Variants in FERMT2 observed in about 807,000 individuals in gnomAD.
The protein encoded by FERMT2 is FERM domain containing kindlin 2.
In FERMT2, 15 loss-of-function variants were observed where a neutral mutation model predicts 82.7. The ratio of observed to expected loss-of-function variants is 0.18; its 90% CI spans 0.12 to 0.28. FERMT2 has a LOEUF of 0.28. Among genes scored for constraint, FERMT2 ranks in the 10% least tolerant of loss-of-function variants. The pLI, the probability that FERMT2 is intolerant of heterozygous loss-of-function variation, is 1.00. For missense variants in FERMT2, 645 were observed against 809.4 expected (o/e 0.80, Z 2.46); for synonymous variants, 274 against 271.5 (o/e 1.01, Z -0.09).
intron 2 of FERMT2, among the ~76,000 whole-genome samples, chr14:52,934,818 C>G (rs1889760903): frequency 6.6e-6 from 1 of 152,222 alleles, no homozygotes; most frequent in African/African-American, 2.4e-5. Flanking sequence ...TGTTGGTCAA[C>G]TCTTTCAATT....
chr14:52,919,694 T>C (rs1281994508), intron 2 of FERMT2, among the ~76,000 whole-genome samples: 1 of 151,380 alleles, frequency 6.6e-6, no homozygotes, highest in Non-Finnish European at 1.5e-5. Flanking sequence ...AGACAAGGAG[T>C]TGGTGGGCTT....
chr14:52,889,492 T>C (rs990978111), intron 4 of FERMT2, among the ~76,000 whole-genome samples: 3 of 152,174 alleles, frequency 2.0e-5, no homozygotes, highest in African/African-American at 7.2e-5. Context: ...GATGCTCTGC[T>C]TGGGCACAAG....
chr14:52,902,868 C>CAAAAAAAAAAAAAAA (rs1252336097), intron 3 of FERMT2, among the ~76,000 whole-genome samples: 2 of 5,542 alleles, frequency 3.6e-4, no homozygotes, highest in African/African-American at 5.8e-4. Flanking sequence ...GACTCCGTCT[C>CAAAAAAAAAAAAAAA]AAAAAAAAAA....
At chr14:52,945,243 GT>G (rs112038349) in intron 2 of FERMT2, among the ~76,000 whole-genome samples, 3 of 145,368 alleles carry the variant, frequency 2.1e-5, no homozygotes, top group African/African-American at 2.6e-5. Context: ...TTTTGTTGTT[GT>G]TTTTTTTTTG....
chr14:52,898,883 C>T (rs1437426085), intron 3 of FERMT2, among the ~76,000 whole-genome samples: 1 of 152,174 alleles, frequency 6.6e-6, no homozygotes, highest in Non-Finnish European at 1.5e-5. Context: ...TCACCACAGG[C>T]ACTATTTAGT....
At chr14:52,945,163 G>A (rs558016531) in intron 2 of FERMT2, among the ~76,000 whole-genome samples, 4 of 151,820 alleles carry the variant, frequency 2.6e-5, no homozygotes, top group African/African-American at 7.3e-5. Context: ...TCTGAGCCTC[G>A]GCCTCCCAAA....
chr14:52,908,509 G>A (rs901469513), intron 3 of FERMT2, among the ~76,000 whole-genome samples: 5 of 152,164 alleles, frequency 3.3e-5, no homozygotes, highest in Non-Finnish European at 7.4e-5. Flanking sequence ...ACACAACATG[G>A]ATGAAGGTCA....
chr14:52,887,018 GA>G (rs963467543), intron 4 of FERMT2, among the ~76,000 whole-genome samples: 28 of 151,374 alleles, frequency 1.8e-4, no homozygotes, highest in African/African-American at 5.3e-4. Context: ...ACTTTTGTTA[GA>G]AAAAAAATGA....
intron 3 of FERMT2, among the ~76,000 whole-genome samples, chr14:52,910,729 T>C (rs1391306249): frequency 6.6e-6 from 1 of 152,204 alleles, no homozygotes; most frequent in Admixed American, 6.5e-5. Flanking sequence ...GTAGGTTATT[T>C]CCCTTTAAAT....
chr14:52,865,177 C>A (rs984037787), intron 10 of FERMT2, among the ~76,000 whole-genome samples: 2 of 152,026 alleles, frequency 1.3e-5, no homozygotes, highest in Non-Finnish European at 2.9e-5. Flanking sequence ...AAAAATTAGC[C>A]GGGGGTGGTG....
intron 7 of FERMT2, among the ~76,000 whole-genome samples, chr14:52,877,253 T>G (rs1886014354): frequency 6.6e-6 from 1 of 152,200 alleles, no homozygotes; most frequent in African/African-American, 2.4e-5. Flanking sequence ...TCACACATAT[T>G]TTACAGGTAT....
At chr14:52,908,400 A>T (rs960403332) in intron 3 of FERMT2, among the ~76,000 whole-genome samples, 19 of 152,284 alleles carry the variant, frequency 1.2e-4, no homozygotes, top group African/African-American at 3.8e-4. Context: ...GCTTTTTTTT[A>T]AAATAATGAG....
intron 4 of FERMT2, among the ~76,000 whole-genome samples, chr14:52,882,228 T>G (rs1886341193): frequency 6.6e-6 from 1 of 152,178 alleles, no homozygotes; most frequent in Non-Finnish European, 1.5e-5. Context: ...AAAGTTTTTT[T>G]TAATTTTTAA....
chr14:52,926,153 T>C (rs886993624), intron 2 of FERMT2, among the ~76,000 whole-genome samples: 2 of 11,516 alleles, frequency 1.7e-4, no homozygotes, highest in Non-Finnish European at 4.1e-4. Context: ...GACTTTAAAA[T>C]ACTTACGAAT....
In FERMT2 at chr14:52,894,965, G is replaced by C. The variant is rs1238251141; in HGVS notation, c.392-1538C>G. 6.0e-5 allele frequency among the ~76,000 whole-genome samples: 9 copies of C among 150,792 alleles called. 1 individual carries two copies. Among genetic ancestry groups the C allele is most frequent in the Admixed American group, 3.3e-4 (5 of 15,122 alleles). ...AAACAAAAAAGGCAAGCATACAGTG[G>C]GACAACATATTTGCAGCACACATAT... On this transcript the variant is annotated intron_variant, in intron 3 of 14. Transcript: ENST00000341590.
Position 52,881,810 on chromosome 14 carries a change from A to G in FERMT2, c.527-341T>C, listed in dbSNP as rs190353996. The G allele has an allele frequency of 3.1e-6, 4 of 1,301,990 alleles. No individual in the cohort carries two copies. The African/African-American group carries it at 6.0e-5, about 20-fold the overall frequency. The allele number at this position is 1,301,990 out of a possible 1,614,324, so 80.7% of individuals were successfully genotyped here. ...GCAAGGCTCACCTTTCAGAGGGCCA[A>G]TGTAAAGAACATCAGTGCCTATAGG... is the stretch of plus-strand genomic sequence containing the variant. On this transcript the variant is annotated intron_variant, in intron 4 of 14. Transcript: ENST00000341590.
chr14:52,891,971 A>C (rs1283041921), intron 4 of FERMT2, among the ~76,000 whole-genome samples: 1 of 152,104 alleles, frequency 6.6e-6, no homozygotes, highest in Non-Finnish European at 1.5e-5. Flanking sequence ...TCACATTAGC[A>C]AGGAAGAACA....
intron 3 of FERMT2, among the ~76,000 whole-genome samples, chr14:52,906,849 T>TA (rs917249411): frequency 7.3e-5 from 10 of 136,436 alleles, no homozygotes; most frequent in South Asian, 2.3e-4. Flanking sequence ...AAGGTAAAGA[T>TA]AAAATCTTCC....
rs776878631 is a variant in FERMT2 at position 52,874,190 on chromosome 14, T to A, written c.1135A>T (p.Ile379Phe). Reference sequence around the variant, plus strand: ...TTTTGTACTTACTTGAAAACTTTAATGTAGTCAGCAAGTTCAGGAATGGAA... The same window carrying A: ...TTTTGTACTTACTTGAAAACTTTAAAGTAGTCAGCAAGTTCAGGAATGGAA... ...ITSIPELADY[I>F]KVFKPKKLTL... The change falls in exon 9 of 15, where the codon ATT becomes TTT. Residue 379 changes from isoleucine (I) to phenylalanine (F), a missense_variant. By Grantham distance (21) the Ile-to-Phe change is conservative. Coordinates refer to ENST00000341590, the MANE Select transcript of FERMT2 (RefSeq NM_006832.3). 1.9e-6 allele frequency: 3 copies of A among 1,597,990 alleles called. No homozygotes were observed. The highest frequency in any genetic ancestry group is 1.7e-5 in the Admixed American group (1 of 58,140).
Sources: allele counts gnomAD v4.1 joint callset (sites outside exome capture counted in the v4.1 genomes callset), GRCh38; gene constraint gnomAD v4.1.1; transcripts MANE v1.5; gene names NCBI Gene and HGNC (gene_info 2026-07-23, HGNC 2026-07-21).